The following DLG2 variants were observed in gnomAD, a reference collection of about 807,000 sequenced individuals.
The protein encoded by DLG2 is discs large MAGUK scaffold protein 2.
Under a neutral mutation model 132.5 loss-of-function variants are expected in DLG2, and 45 were observed. The observed-to-expected ratio is 0.34, with a 90% CI of 0.27 to 0.44. The LOEUF (loss-of-function observed/expected upper bound fraction) is 0.44. Among genes scored for constraint, DLG2 ranks in the 20% least tolerant of loss-of-function variants. The pLI is 1.00. For missense variants in DLG2, 1,045 were observed against 1,196.9 expected (o/e 0.87, Z 1.87); for synonymous variants, 424 against 419.6 (o/e 1.01, Z -0.13).
At chr11:83,683,346 A>G (rs2079150590) in intron 18 of DLG2, among the ~76,000 whole-genome samples, 1 of 152,176 alleles carries the variant, frequency 6.6e-6, no homozygotes, top group African/African-American at 2.4e-5. Flanking sequence ...GAGGTCAACT[A>G]ATCCACGCAG....
At chr11:85,251,524 A>G (rs930191779) in intron 4 of DLG2, among the ~76,000 whole-genome samples, 11 of 152,180 alleles carry the variant, frequency 7.2e-5, no homozygotes, top group Non-Finnish European at 1.3e-4. Context: ...TTCAAATTTG[A>G]TCATCTTAAA....
intron 6 of DLG2, among the ~76,000 whole-genome samples, chr11:84,738,803 T>C (rs1336523530): frequency 6.6e-6 from 1 of 152,184 alleles, no homozygotes; most frequent in Non-Finnish European, 1.5e-5. Flanking sequence ...AAAACATATG[T>C]CTACACAGTC....
intron 4 of DLG2, among the ~76,000 whole-genome samples, chr11:85,186,758 G>A (rs2080133802): frequency 2.0e-5 from 3 of 152,064 alleles, no homozygotes. Context: ...TGTATCATTA[G>A]TCAGCTCAAA....
intron 7 of DLG2, among the ~76,000 whole-genome samples, chr11:84,377,261 G>C (rs1251514616): frequency 6.6e-6 from 1 of 151,844 alleles, no homozygotes; most frequent in Non-Finnish European, 1.5e-5. Context: ...TAAGGCAACT[G>C]TCTTAGTTTT....
chr11:83,585,376 G>A (rs1463668119), intron 19 of DLG2, among the ~76,000 whole-genome samples: 1 of 152,048 alleles, frequency 6.6e-6, no homozygotes, highest in East Asian at 1.9e-4. Flanking sequence ...GCTACTTTTG[G>A]CCCGTTTATA....
At chr11:84,844,345 C>T (rs1042846755) in intron 6 of DLG2, among the ~76,000 whole-genome samples, 2 of 151,392 alleles carry the variant, frequency 1.3e-5, no homozygotes, top group Non-Finnish European at 2.9e-5. Flanking sequence ...CAATGCCTAG[C>T]ACAGAATACA....
intron 5 of DLG2, among the ~76,000 whole-genome samples, chr11:85,125,186 T>G (rs759857781): frequency 1.3e-4 from 20 of 152,200 alleles, no homozygotes; most frequent in Non-Finnish European, 2.8e-4. Flanking sequence ...TTGCAGTTGT[T>G]TCCTCTGCAG....
intron 19 of DLG2, among the ~76,000 whole-genome samples, chr11:83,550,499 A>G (rs6592125): frequency 0.29 from 44,754 of 152,034 alleles, 7,392 homozygotes; most frequent in African/African-American, 0.44. Flanking sequence ...CTGAGCTCCA[A>G]TGTTGACTCA....
intron 9 of DLG2, among the ~76,000 whole-genome samples, chr11:84,104,841 T>C (rs2092793118): frequency 6.6e-6 from 1 of 152,086 alleles, no homozygotes; most frequent in Non-Finnish European, 1.5e-5. Context: ...CTAACATTTA[T>C]TGCATGCTTA....
At chr11:85,396,134 C>A (rs893833735) in intron 3 of DLG2, among the ~76,000 whole-genome samples, 1 of 152,198 alleles carries the variant, frequency 6.6e-6, no homozygotes, top group African/African-American at 2.4e-5. Flanking sequence ...CAAACAGTGT[C>A]TGGAGTGGAC....
intron 7 of DLG2, among the ~76,000 whole-genome samples, chr11:84,464,801 G>GATGTACACATGTATATAA (rs1178772741): frequency 6.6e-6 from 1 of 151,006 alleles, no homozygotes; most frequent in Non-Finnish European, 1.5e-5. Context: ...CATGTATATA[G>GATGTACACATGTATATAA]ATATACACAT....
chr11:84,982,844 T>C (rs2055948312), intron 6 of DLG2, among the ~76,000 whole-genome samples: 1 of 151,998 alleles, frequency 6.6e-6, no homozygotes, highest in Non-Finnish European at 1.5e-5. Flanking sequence ...CATGATCAGA[T>C]CAATTTATGC....
intron 6 of DLG2, among the ~76,000 whole-genome samples, chr11:84,871,785 C>G (rs937318195): frequency 6.6e-6 from 1 of 151,968 alleles, no homozygotes; most frequent in African/African-American, 2.4e-5. Flanking sequence ...TGCAGTACCA[C>G]GATCCTGGCT....
chr11:84,610,038 G>C (rs1593675180), intron 6 of DLG2, among the ~76,000 whole-genome samples: 2 of 151,918 alleles, frequency 1.3e-5, no homozygotes, highest in African/African-American at 4.8e-5. Context: ...TGTATGCTAA[G>C]ATACATATGT....
chr11:83,606,703 G>A (rs1429573620), intron 19 of DLG2, among the ~76,000 whole-genome samples: 2 of 151,702 alleles, frequency 1.3e-5, no homozygotes, highest in Non-Finnish European at 1.5e-5. Context: ...TGAGGCGGGC[G>A]GATCACGAGG....
chr11:84,923,271 G>T, intron 6 of DLG2: 3 of 1,488,664 alleles, frequency 2.0e-6, no homozygotes, highest in Non-Finnish European at 2.7e-6. Flanking sequence ...ACTACAAAAC[G>T]ACATGTCTTG....
chr11:85,450,835 A>G (rs1025886176), intron 3 of DLG2, among the ~76,000 whole-genome samples: 2 of 151,886 alleles, frequency 1.3e-5, no homozygotes, highest in Non-Finnish European at 2.9e-5. Flanking sequence ...CCATAACTCT[A>G]TATTCTTTTT....
intron 6 of DLG2, among the ~76,000 whole-genome samples, chr11:85,094,939 TTC>T (rs1270563870): frequency 2.0e-5 from 3 of 152,216 alleles, no homozygotes; most frequent in Admixed American, 6.5e-5. Context: ...AGTGTGACTC[TTC>T]TTTTCACTTG....
intron 9 of DLG2, among the ~76,000 whole-genome samples, chr11:84,119,250 C>G (rs2093786591): frequency 6.6e-6 from 1 of 151,952 alleles, no homozygotes; most frequent in Admixed American, 6.6e-5. Context: ...AGAGATAAAA[C>G]CTTATTACCC....
Sources: allele counts gnomAD v4.1 joint callset (sites outside exome capture counted in the v4.1 genomes callset), GRCh38; gene constraint gnomAD v4.1.1; transcripts MANE v1.5; gene names NCBI Gene and HGNC (gene_info 2026-07-23, HGNC 2026-07-21).